Variants in PDK3 observed in about 807,000 individuals in gnomAD.
PDK3 encodes the protein pyruvate dehydrogenase kinase 3, also known as pyruvate dehydrogenase kinase, isozyme 3.
In PDK3, 12 loss-of-function variants were observed where a neutral mutation model predicts 32.0. The observed-to-expected ratio is 0.37, with a 90% CI of 0.24 to 0.61. The LOEUF (loss-of-function observed/expected upper bound fraction) is 0.61. Among genes scored for constraint, PDK3 ranks in the 20% least tolerant of loss-of-function variants. PDK3 has a pLI of 0.65. For synonymous variants in PDK3, 122 were observed against 116.3 expected, an observed-to-expected ratio of 1.05 and a Z score of -0.31; for missense variants, 188 against 316.9, an observed-to-expected ratio of 0.59 and a Z score of 3.09.
chrX:24,518,501 C>T (rs1428701595), intron 5 of PDK3, among the ~76,000 whole-genome samples: 1 of 110,635 alleles, frequency 9.0e-6, no homozygotes, highest in Non-Finnish European at 1.9e-5. Context: ...AACAAACGAA[C>T]AAACAAACAG....
intron 1 of PDK3, among the ~76,000 whole-genome samples, chrX:24,492,901 G>A (rs1479098501): frequency 9.2e-6 from 1 of 108,627 alleles, no homozygotes; most frequent in Non-Finnish European, 1.9e-5. Flanking sequence ...TTGGGAGGCC[G>A]AGGCAGGAGA....
chrX:24,495,193 C>T (rs1421584547), intron 2 of PDK3, among the ~76,000 whole-genome samples: 1 of 112,125 alleles, frequency 8.9e-6, no homozygotes, highest in Non-Finnish European at 1.9e-5. Flanking sequence ...TAACCTTACT[C>T]CTTTCGTTTT....
At chrX:24,480,368 G>A (rs1921223588) in intron 1 of PDK3, among the ~76,000 whole-genome samples, 1 of 112,167 alleles carries the variant, frequency 8.9e-6, no homozygotes, top group African/African-American at 3.2e-5. Context: ...GGCTTGAGGA[G>A]TTCTTTGATT....
intron 1 of PDK3, among the ~76,000 whole-genome samples, chrX:24,486,551 G>A (rs942474696): frequency 9.0e-6 from 1 of 111,276 alleles, no homozygotes; most frequent in Non-Finnish European, 1.9e-5. Context: ...GATGTTTTGG[G>A]GCACTGAATT....
At chrX:24,502,494 G>C (rs986412741) in intron 3 of PDK3, among the ~76,000 whole-genome samples, 8 of 111,859 alleles carry the variant, frequency 7.2e-5, no homozygotes, top group Non-Finnish European at 1.5e-4. Flanking sequence ...TAAGATGCCA[G>C]ATACTTGAAT....
chrX:24,542,390 G>A (rs187477197), exon 12 of PDK3, among the ~76,000 whole-genome samples: 62 of 112,522 alleles, frequency 5.5e-4, no homozygotes, highest in African/African-American at 1.7e-3. Flanking sequence ...CAGGTATATC[G>A]GTTTTTTGTA....
chrX:24,485,816 C>T (rs745577350), intron 1 of PDK3, among the ~76,000 whole-genome samples: 31 of 111,366 alleles, frequency 2.8e-4, no homozygotes, highest in Admixed American at 2.6e-3. Flanking sequence ...CCACAGGGCT[C>T]CCAGTCTTTA....
At chrX:24,547,051 C>A (rs148584214) in exon 12 of PDK3, 38 of 112,174 alleles carry the variant, frequency 3.4e-4, no homozygotes, top group South Asian at 2.6e-3. Context: ...CCATCCTTTC[C>A]CCTTAAGTGT....
intron 10 of PDK3, 47 bp downstream of exon 10, chrX:24,531,817 C>G (rs1358549718): frequency 1.5e-6 from 1 of 663,302 alleles, no homozygotes; most frequent in Admixed American, 2.4e-5. Flanking sequence ...CTTTTTAAAG[C>G]TGTAAGTTCT....
chrX:24,473,920 C>G (rs997151367), intron 1 of PDK3, among the ~76,000 whole-genome samples: 6 of 111,890 alleles, frequency 5.4e-5, no homozygotes, highest in African/African-American at 2.0e-4. Context: ...ATTAAAAATT[C>G]TCTTAATTAT....
At chrX:24,547,281 A>G (rs779134293) in exon 12 of PDK3, 1 of 112,694 alleles carries the variant, frequency 8.9e-6, no homozygotes, top group East Asian at 2.8e-4. Flanking sequence ...GGAAGCTTAC[A>G]GTGAAGAGTA....
chrX:24,487,505 A>T (rs1047598084), intron 1 of PDK3, among the ~76,000 whole-genome samples: 2 of 111,759 alleles, frequency 1.8e-5, no homozygotes, highest in Non-Finnish European at 1.9e-5. Flanking sequence ...AAAGTTGAAA[A>T]TTTTTTTTAA....
At chrX:24,499,225 A>G (rs1921792166) in intron 3 of PDK3, 1 of 135,624 alleles carries the variant, frequency 7.4e-6, no homozygotes, top group Admixed American at 8.9e-5. Context: ...TGGCCTTTTT[A>G]TATACATGAA....
intron 6 of PDK3, among the ~76,000 whole-genome samples, 187 bp from the exon 7 acceptor site, chrX:24,526,011 T>C (rs771193443): frequency 8.9e-6 from 1 of 112,866 alleles, no homozygotes; most frequent in Non-Finnish European, 1.9e-5. Flanking sequence ...AGGAACTGGG[T>C]GTCACCCCAG....
At chrX:24,544,648 G>T (rs1487869441) in exon 12 of PDK3, among the ~76,000 whole-genome samples, 1 of 112,029 alleles carries the variant, frequency 8.9e-6, no homozygotes, top group Non-Finnish European at 1.9e-5. Flanking sequence ...CCTGGCAAAT[G>T]CAAGAACTCT....
intron 5 of PDK3, among the ~76,000 whole-genome samples, chrX:24,515,580 C>T (rs183272256): frequency 9.0e-6 from 1 of 111,670 alleles, no homozygotes; most frequent in African/African-American, 3.2e-5. Flanking sequence ...AATGAATGAT[C>T]GTTTTTAGGT....
rs747864129 is a variant in PDK3 at position 24,470,553 on chromosome X, G to C, written c.106+4992G>C. 7.3e-5 allele frequency among the ~76,000 whole-genome samples: 8 copies of C among 109,265 alleles called. No homozygotes were observed. The South Asian group carries it at 2.8e-3, about 38-fold the overall frequency. The allele number at this position is 109,265 out of a possible 115,157, so 94.9% of individuals were successfully genotyped here. A position where few individuals can be genotyped will look rare whatever the true frequency, so the allele number is the denominator to read the frequency against. On this transcript the variant is annotated intron_variant, in intron 1 of 10. Transcript: ENST00000379162. ...AATACAAACATTAGCTGGGCATAGT[G>C]GTGGGTGCCTGTAATCCCAGCTACT...
At chrX:24,510,787 T>G (rs1602118150) in intron 5 of PDK3, among the ~76,000 whole-genome samples, 1 of 111,961 alleles carries the variant, frequency 8.9e-6, no homozygotes, top group East Asian at 2.8e-4. Context: ...GTGCATAACC[T>G]TTATTCTGCA....
chrX:24,503,541 A>C, intron 4 of PDK3, 30 bp downstream of exon 4: 2 of 1,018,350 alleles, frequency 2.0e-6, no homozygotes, highest in Non-Finnish European at 2.6e-6. Context: ...TCCAGTTTTG[A>C]AAAGGTAACC....
Sources: allele counts gnomAD v4.1 joint callset (sites outside exome capture counted in the v4.1 genomes callset), GRCh38; gene constraint gnomAD v4.1.1; transcripts MANE v1.5; gene names NCBI Gene and HGNC (gene_info 2026-07-23, HGNC 2026-07-21).